The following UMODL1 variants were observed in gnomAD, a reference collection of about 807,000 sequenced individuals.
UMODL1 encodes uromodulin-like 1.
A neutral mutation model predicts 136.3 loss-of-function variants in UMODL1; 128 were observed. The ratio of observed to expected loss-of-function variants is 0.94; its 90% CI spans 0.81 to 1.09. UMODL1 has a LOEUF of 1.09. Among genes scored for constraint, UMODL1 ranks in the 50% least tolerant of loss-of-function variants. The pLI, the probability that UMODL1 is intolerant of heterozygous loss-of-function variation, is 0.00. For synonymous variants in UMODL1, 721 were observed against 720.0 expected (o/e 1.00, Z -0.02); for missense variants, 1,766 against 1,725.6 (o/e 1.02, Z -0.41).
chr21:42,124,731 A>G (rs989654280), intron 17 of UMODL1, among the ~76,000 whole-genome samples: 1 of 151,666 alleles, frequency 6.6e-6, no homozygotes, highest in Non-Finnish European at 1.5e-5. Context: ...CGTTGGCGGG[A>G]ACTCTGGGCC....
chr21:42,071,618 G>A (rs879514926), intron 1 of UMODL1, among the ~76,000 whole-genome samples: 1 of 152,150 alleles, frequency 6.6e-6, no homozygotes, highest in African/African-American at 2.4e-5. Context: ...GACTCCCCCA[G>A]TGGGAACCTG....
rs543152516 is a variant in UMODL1, at chr21:42,119,154, C to T, written c.2519C>T (p.Ala840Val). The change falls in exon 15 of 23, where the codon GCT (alanine) becomes GTT (valine). Residue 840 changes from alanine to valine, a missense_variant. Physicochemically the swap from Ala to Val is moderately conservative, Grantham distance 64 (BLOSUM62 0). Coordinates refer to ENST00000408910, the MANE Select transcript of UMODL1 (RefSeq NM_001004416.3). ...GCCACCATGTGTCAGCACATGGACG[C>T]TGGTGGGGTCAGGATGGAAGTCGTC... ...LPATMCQHMD[A>V]GGVRMEVVSV... The T allele has an allele frequency of 1.8e-5, 29 of 1,613,946 alleles. No individual in the cohort carries two copies. In the East Asian group the frequency reaches 6.5e-4, roughly 36 times the overall value.
At chr21:42,140,292 G>A (rs918314654) in intron 22 of UMODL1, among the ~76,000 whole-genome samples, 2 of 100,746 alleles carry the variant, frequency 2.0e-5, no homozygotes, top group Non-Finnish European at 4.5e-5. Context: ...AGGGCAGAAA[G>A]GGATAGACGT....
At position 42,085,402 on chromosome 21, in the gene UMODL1, T is replaced by A. The variant is rs1316345939; in HGVS notation, c.593T>A (p.Leu198Gln). 12 of 1,613,830 alleles carry A rather than the reference T, an allele frequency of 7.4e-6. No homozygotes were observed. The highest frequency in any genetic ancestry group is 1.0e-5 in the Non-Finnish European group (12 of 1,179,958). The change falls in exon 4 of 23, where the codon CTG (leucine) becomes CAG (glutamine). Residue 198 changes from leucine (L) to glutamine (Q), a missense_variant. Leu to Gln is a moderately radical substitution (Grantham distance 113). Coordinates refer to ENST00000408910, the MANE Select transcript of UMODL1 (RefSeq NM_001004416.3). The surrounding 1 kb of genome is among the most constrained non-coding windows in gnomAD (Gnocchi z 4.5). ...AGGCTCCTGAACCACATGCGCCTTC[T>A]GCATTCCTTGGTAGGTGAGACAGAC... The part of the protein sequence containing the change: ...DPRLLNHMRL[L>Q]HSLVTSALQP...
In UMODL1 at chr21:42,111,687, C is replaced by A; in HGVS notation, c.2081C>A (p.Thr694Lys). The A allele has an allele frequency of 3.1e-6, 5 of 1,613,102 alleles. No homozygotes were observed. Among genetic ancestry groups the A allele is most frequent in the Non-Finnish European group, 4.2e-6 (5 of 1,179,442 alleles). The change falls in exon 12 of 23, where the codon ACA becomes AAA. Residue 694 changes from threonine (T) to lysine (K), a missense_variant. Coordinates refer to ENST00000408910, the MANE Select transcript of UMODL1 (RefSeq NM_001004416.3). ...GACCTGCCATTGACCTCCACCCTCA[C>A]AGCTCTGAAGACCCCCGCCTGTGGT... ...SVDLPLTSTL[T>K]ALKTPACVPV...
At position 42,109,744 on chromosome 21, in the gene UMODL1, G is replaced by A. The variant is rs376872554; in HGVS notation, c.1657+45G>A. The A allele has an allele frequency of 6.7e-5, 107 of 1,588,962 alleles. No individual in the cohort carries two copies. The African/African-American group carries it at 1.2e-3, about 18-fold the overall frequency. ...CCGACTCTGGGAAGACCCCCTGCCC[G>A]AGAATCTGGGGGTGGGGCAAAGCCC... is the stretch of plus-strand genomic sequence containing the variant. On this transcript the variant is annotated intron_variant, in intron 10 of 22. Coordinates refer to ENST00000408910, the MANE Select transcript of UMODL1 (RefSeq NM_001004416.3).
intron 4 of UMODL1, 32 bp from the exon 5 acceptor site, chr21:42,088,262 T>C: frequency 6.3e-7 from 1 of 1,597,324 alleles, no homozygotes; most frequent in Non-Finnish European, 8.6e-7. Context: ...GGTGTCCTTC[T>C]GCTGTGTGAC....
Position 42,123,197 on chromosome 21 carries a change from G to T in UMODL1, c.3147+47G>T. On this transcript the variant is annotated intron_variant, in intron 17 of 22. Coordinates refer to ENST00000408910, the MANE Select transcript of UMODL1 (RefSeq NM_001004416.3). This position sits in a 1 kb window ranked among gnomAD's most constrained non-coding sequence, Gnocchi z 4.4. ...TCAGGATGTACACTAGGGCGCAAGG[G>T]GCTCTAGGTTACATGGGCCTCGATG... 6.4e-7 allele frequency: 1 copy of T among 1,557,752 alleles called. No homozygotes were observed. Among genetic ancestry groups the T allele is most frequent in the South Asian group, 1.2e-5 (1 of 82,488 alleles).
chr21:42,131,249 T>A (rs1160816797), intron 21 of UMODL1, among the ~76,000 whole-genome samples: 3 of 152,214 alleles, frequency 2.0e-5, no homozygotes, highest in African/African-American at 7.2e-5. Flanking sequence ...TTCCCTAATC[T>A]TGATGACCCT....
intron 12 of UMODL1, among the ~76,000 whole-genome samples, chr21:42,112,330 C>G (rs1569164126): frequency 6.6e-6 from 1 of 151,572 alleles, no homozygotes; most frequent in Non-Finnish European, 1.5e-5. Context: ...CTGTATCTGC[C>G]TAGCTGTTCT....
At chr21:42,079,030 T>C (rs914330094) in intron 2 of UMODL1, among the ~76,000 whole-genome samples, 1 of 152,234 alleles carries the variant, frequency 6.6e-6, no homozygotes, top group Non-Finnish European at 1.5e-5. Context: ...GTTTAGAGCA[T>C]GTGGGCTTTG....
chr21:42,126,778 C>T (rs993149917), intron 18 of UMODL1, among the ~76,000 whole-genome samples: 3 of 152,168 alleles, frequency 2.0e-5, no homozygotes, highest in Admixed American at 6.5e-5. Flanking sequence ...CTATAATGGA[C>T]CCCCCACCTT....
chr21:42,064,430 G>A (rs557384363), intron 1 of UMODL1, among the ~76,000 whole-genome samples: 49 of 152,340 alleles, frequency 3.2e-4, no homozygotes, highest in African/African-American at 1.0e-3. Flanking sequence ...ACGTTGGCAC[G>A]GGAACTACAC....
chr21:42,100,387 C>T (rs1569154288), intron 7 of UMODL1, among the ~76,000 whole-genome samples: 1 of 152,130 alleles, frequency 6.6e-6, no homozygotes, highest in Non-Finnish European at 1.5e-5. Context: ...CCTTCTGTGG[C>T]TCGGCCCTAC....
chr21:42,098,995 T>C lies in UMODL1; in HGVS notation c.1001T>C (p.Leu334Ser), dbSNP rs202035504. 6.2e-7 allele frequency: 1 copy of C among 1,614,176 alleles called. No homozygotes were observed. Among genetic ancestry groups the C allele is most frequent in the African/African-American group, 1.3e-5 (1 of 75,036 alleles). Residue 334 changes from leucine to serine, a missense_variant, in exon 7 of 23, where the codon TTA (leucine) becomes TCA (serine). Coordinates refer to ENST00000408910, the MANE Select transcript of UMODL1 (RefSeq NM_001004416.3). ...GACAGTTTTCAAGTATCCTGGCGTT[T>C]AAATTCTACACAGAACCACACTTTC... ...TSDSFQVSWR[L>S]NSTQNHTFHV...
chr21:42,114,441 C>T (rs1206835522), intron 13 of UMODL1, among the ~76,000 whole-genome samples: 2 of 152,340 alleles, frequency 1.3e-5, no homozygotes, highest in East Asian at 1.9e-4. Flanking sequence ...TAGTCAAGAG[C>T]GTGTCTGATG....
At chr21:42,086,224 T>C (rs553152013) in intron 4 of UMODL1, among the ~76,000 whole-genome samples, 7 of 152,342 alleles carry the variant, frequency 4.6e-5, no homozygotes, top group African/African-American at 1.2e-4. Context: ...CTTGGTCTAA[T>C]GTGCTGCTGT....
At chr21:42,107,076 C>T (rs901745662) in intron 9 of UMODL1, among the ~76,000 whole-genome samples, 2 of 152,320 alleles carry the variant, frequency 1.3e-5, no homozygotes, top group Admixed American at 1.3e-4. Context: ...TTCCGCCTCA[C>T]GGGGCTCCTT....
At chr21:42,078,435 C>T (rs1236538) in intron 2 of UMODL1, among the ~76,000 whole-genome samples, 18 of 42,442 alleles carry the variant, frequency 4.2e-4, no homozygotes, top group East Asian at 1.2e-3. Flanking sequence ...CCATCACCAA[C>T]AGAAACCAGG....
Sources: gnomAD v4.1 joint callset for allele counts (sites outside exome capture counted in the v4.1 genomes callset) on GRCh38, gnomAD v4.1.1 for gene constraint, Gnocchi (gnomAD v3.1) non-coding constraint, MANE v1.5 for transcripts, NCBI Gene and HGNC (gene_info 2026-07-23, HGNC 2026-07-21) for gene names.